The following FAT3 variants were observed in gnomAD, a reference collection of about 807,000 sequenced individuals.
The protein encoded by FAT3 is protocadherin Fat 3.
A neutral mutation model predicts 310.2 loss-of-function variants in FAT3; 95 were observed. The observed-to-expected ratio is 0.31, with a 90% confidence interval of 0.26 to 0.36. The LOEUF (loss-of-function observed/expected upper bound fraction) is 0.36, where lower values mean the gene tolerates loss of function less well. FAT3 is among the 10% of genes least tolerant of loss of function. The pLI is 1.00. For missense variants in FAT3, 5,408 were observed against 5,715.6 expected (o/e 0.95, Z 1.74); for synonymous variants, 2,314 against 2,192.9 (o/e 1.06, Z -1.54).
At chr11:92,426,741 G>T (rs892036797) in intron 2 of FAT3, among the ~76,000 whole-genome samples, 2 of 152,130 alleles carry the variant, frequency 1.3e-5, no homozygotes, top group South Asian at 4.1e-4. Flanking sequence ...CTATATATCT[G>T]TTTTGGTACC....
At chr11:92,428,896 C>T (rs1950700835) in intron 2 of FAT3, among the ~76,000 whole-genome samples, 1 of 152,066 alleles carries the variant, frequency 6.6e-6, no homozygotes, top group South Asian at 2.1e-4. Context: ...CTATTAGGTC[C>T]ACTCGGTCGA....
intron 10 of FAT3, among the ~76,000 whole-genome samples, chr11:92,802,602 G>A (rs1301595912): frequency 3.9e-5 from 6 of 152,264 alleles, no homozygotes; most frequent in Admixed American, 6.5e-5. Context: ...TTTCCTGGGG[G>A]GCAGGCGACC....
At chr11:92,225,446 A>C (rs1007055613) in intron 1 of FAT3, among the ~76,000 whole-genome samples, 1 of 152,078 alleles carries the variant, frequency 6.6e-6, no homozygotes, top group African/African-American at 2.4e-5. Flanking sequence ...GAGTTGGCCA[A>C]GTTTGGGGCT....
chr11:92,746,714 A>T (rs1379276525), intron 4 of FAT3, among the ~76,000 whole-genome samples: 2 of 152,212 alleles, frequency 1.3e-5, no homozygotes, highest in Non-Finnish European at 2.9e-5. Flanking sequence ...TCCCAGATAC[A>T]ATGGGGGTAC....
At chr11:92,307,419 G>C (rs1173120252) in intron 1 of FAT3, among the ~76,000 whole-genome samples, 1 of 152,200 alleles carries the variant, frequency 6.6e-6, no homozygotes, top group East Asian at 1.9e-4. Context: ...AAGCATTCTT[G>C]TATGCAGACT....
intron 4 of FAT3, among the ~76,000 whole-genome samples, chr11:92,754,127 A>C (rs893025495): frequency 2.6e-5 from 4 of 152,068 alleles, no homozygotes; most frequent in Non-Finnish European, 5.9e-5. Flanking sequence ...CCAATAACAT[A>C]TGGAAATATA....
chr11:92,233,625 A>G lies in FAT3; in HGVS notation c.-18+8451A>G, dbSNP rs1864285246. Among the ~76,000 whole-genome samples the G allele has an allele frequency of 2.6e-5, 4 of 152,282 alleles. 1 individual carries two copies. In the South Asian group the frequency reaches 8.3e-4, roughly 32 times the overall value. On this transcript the variant is annotated intron_variant, in intron 1 of 27. Coordinates refer to ENST00000525166, the MANE Select transcript of FAT3 (RefSeq NM_001367949.2). The stretch of plus-strand genomic sequence containing the variant: ...CAGTAAGATGGTGAACTGAAGTGAC[A>G]TCATCTGCTTGGAAGTCCCTGGATT...
At chr11:92,505,851 T>A (rs1206378939) in intron 2 of FAT3, among the ~76,000 whole-genome samples, 1 of 152,166 alleles carries the variant, frequency 6.6e-6, no homozygotes, top group Non-Finnish European at 1.5e-5. Flanking sequence ...GTTCGTGTAC[T>A]ATGTGCAATA....
chr11:92,508,768 G>A (rs1390965448), intron 2 of FAT3, among the ~76,000 whole-genome samples: 1 of 152,102 alleles, frequency 6.6e-6, no homozygotes, highest in Non-Finnish European at 1.5e-5. Context: ...CAAATGCTTA[G>A]AGACTCCAGA....
At chr11:92,416,071 TAAAAAAAAAAA>T (rs398017104) in intron 2 of FAT3, among the ~76,000 whole-genome samples, 130 of 73,900 alleles carry the variant, frequency 1.8e-3, no homozygotes, top group African/African-American at 6.5e-3. Context: ...CCTGGAAGCC[TAAAAAAAAAAA>T]AAAAAAAAAA....
intron 2 of FAT3, among the ~76,000 whole-genome samples, chr11:92,447,215 A>ATGTGTG (rs369295353): frequency 3.4e-4 from 42 of 123,010 alleles, no homozygotes; most frequent in African/African-American, 1.2e-3. Flanking sequence ...GTGTATGTAT[A>ATGTGTG]TGTGTGCGTG....
At chr11:92,539,790 A>T (rs1248023960) in intron 3 of FAT3, among the ~76,000 whole-genome samples, 1 of 152,170 alleles carries the variant, frequency 6.6e-6, no homozygotes, top group African/African-American at 2.4e-5. Context: ...CACAAAAAAG[A>T]TTATATTTCT....
intron 1 of FAT3, among the ~76,000 whole-genome samples, chr11:92,268,303 C>G (rs1447396872): frequency 2.0e-5 from 3 of 152,172 alleles, no homozygotes; most frequent in African/African-American, 7.2e-5. Flanking sequence ...AATGCCCATA[C>G]CTTTTCCACT....
chr11:92,441,378 C>T (rs1012003968), intron 2 of FAT3, among the ~76,000 whole-genome samples: 1 of 152,180 alleles, frequency 6.6e-6, no homozygotes, highest in African/African-American at 2.4e-5. Flanking sequence ...GCTTCTGAAA[C>T]AATTTAATCT....
intron 18 of FAT3, 150 bp from the exon 19 acceptor site, chr11:92,843,784 C>A: frequency 1.3e-6 from 1 of 742,354 alleles, no homozygotes; most frequent in Non-Finnish European, 2.3e-6. Flanking sequence ...CTTACTTAAA[C>A]GCACATCCTC....
rs1291795102 is a variant in FAT3 at position 92,823,664 on chromosome 11, G to C, written c.9482-7958G>C. Among the ~76,000 whole-genome samples, 3 of 152,216 alleles carry C rather than the reference G, an allele frequency of 2.0e-5. 1 individual carries two copies. The South Asian group carries it at 6.2e-4, about 32-fold the overall frequency. The stretch of plus-strand genomic sequence containing the variant: ...AACAGATTTTTGGTGCAGTCATCAG[G>C]GTCTCCTGGACTCTGTGACTGATGT... On this transcript the variant is annotated intron_variant, in intron 13 of 27. Coordinates refer to ENST00000525166, the MANE Select transcript of FAT3 (RefSeq NM_001367949.2).
At chr11:92,291,391 G>T (rs987654507) in intron 1 of FAT3, among the ~76,000 whole-genome samples, 3 of 152,092 alleles carry the variant, frequency 2.0e-5, no homozygotes, top group Non-Finnish European at 2.9e-5. Flanking sequence ...AGAAGACAGG[G>T]TAAGAATGTT....
chr11:92,319,562 C>T (rs918955907), intron 1 of FAT3, among the ~76,000 whole-genome samples: 9 of 152,184 alleles, frequency 5.9e-5, no homozygotes, highest in African/African-American at 2.2e-4. Context: ...GCGCCAACAA[C>T]ATTGATGCAT....
chr11:92,795,076 GCT>G (rs1947134810), intron 9 of FAT3, among the ~76,000 whole-genome samples: 2 of 152,136 alleles, frequency 1.3e-5, no homozygotes, highest in Non-Finnish European at 2.9e-5. Flanking sequence ...AACTACGGAA[GCT>G]TTTTATTTTG....
Sources: allele counts gnomAD v4.1 joint callset (sites outside exome capture counted in the v4.1 genomes callset), GRCh38; gene constraint gnomAD v4.1.1; transcripts MANE v1.5; gene names NCBI Gene and HGNC (gene_info 2026-07-23, HGNC 2026-07-21).